The following CAST variants were observed in gnomAD, a reference collection of about 807,000 sequenced individuals.
CAST encodes the protein calpastatin, also known as MIR583 host.
In CAST, 76 loss-of-function variants were observed where a neutral mutation model predicts 119.6. That is an observed-to-expected ratio of 0.64 (90% CI 0.53 to 0.77). CAST has a LOEUF of 0.77. Among genes scored for constraint, CAST ranks in the 30% least tolerant of loss-of-function variants. The pLI, the probability that CAST is intolerant of heterozygous loss-of-function variation, is 0.00. For missense variants in CAST, 953 were observed against 946.5 expected (o/e 1.01, Z -0.09); for synonymous variants, 319 against 331.6 (o/e 0.96, Z 0.41).
the CAST span, among the ~76,000 whole-genome samples, chr5:96,469,448 A>G: frequency 6.6e-6 from 1 of 152,026 alleles, no homozygotes; most frequent in Non-Finnish European, 1.5e-5. Context: ...TTGACTGCCA[A>G]CGTGATTTTT....
chr5:96,648,365 C>T (rs1748049145), intron 1 of CAST, among the ~76,000 whole-genome samples: 1 of 152,160 alleles, frequency 6.6e-6, no homozygotes, highest in Non-Finnish European at 1.5e-5. Context: ...ACACTCCTCT[C>T]CTCATAAACT....
the CAST span, among the ~76,000 whole-genome samples, chr5:96,103,265 T>C: frequency 6.6e-6 from 1 of 151,866 alleles, no homozygotes; most frequent in African/African-American, 2.4e-5. Flanking sequence ...TAGTTACATA[T>C]GTATACATGT....
chr5:96,437,017 C>T, the CAST span, among the ~76,000 whole-genome samples: 1 of 152,140 alleles, frequency 6.6e-6, no homozygotes, highest in East Asian at 1.9e-4. Context: ...GTGGTGGACA[C>T]GACTTGGTTG....
the CAST span, among the ~76,000 whole-genome samples, chr5:96,293,183 G>A: frequency 6.6e-6 from 1 of 152,232 alleles, no homozygotes; most frequent in Non-Finnish European, 1.5e-5. Context: ...GGGGAGGTTA[G>A]GGTGGAATGG....
At position 96,737,888 on chromosome 5, in the gene CAST, T is replaced by C; in HGVS notation, c.739T>C (p.Leu247=). Residue 247 remains leucine (L), a synonymous_variant, in exon 11 of 32, where the codon TTA becomes CTA. Transcript: ENST00000675179. ...DAALDDLIDT[L]GGPEETEEEN... is the part of the protein sequence containing the mutation. ...TGCTTTGGATGACTTAATAGATACTTTAGGAGGACCTGAAGAAACTGAAGA... is the reference window on the plus strand; with the variant it reads ...TGCTTTGGATGACTTAATAGATACTCTAGGAGGACCTGAAGAAACTGAAGA... The C allele has an allele frequency of 6.2e-7, 1 of 1,608,798 alleles. No individual in the cohort carries two copies. Among genetic ancestry groups the C allele is most frequent in the Non-Finnish European group, 8.5e-7 (1 of 1,175,294 alleles).
At chr5:96,385,360 G>A in the CAST span, among the ~76,000 whole-genome samples, 94 of 152,286 alleles carry the variant, frequency 6.2e-4, no homozygotes, top group African/African-American at 2.1e-3. Context: ...TGCTTATTAA[G>A]GCATCAGTTT....
At chr5:96,083,986 G>T in the CAST span, among the ~76,000 whole-genome samples, 2 of 152,112 alleles carry the variant, frequency 1.3e-5, no homozygotes, top group African/African-American at 2.4e-5. Context: ...TATTGCAGGG[G>T]TTTTTTAAAA....
intron 9 of CAST, among the ~76,000 whole-genome samples, chr5:96,733,223 G>A (rs992450086): frequency 6.6e-6 from 1 of 152,134 alleles, no homozygotes; most frequent in African/African-American, 2.4e-5. Flanking sequence ...GAGACTCATA[G>A]CCTCACTCCA....
At chr5:96,187,137 A>G in the CAST span, among the ~76,000 whole-genome samples, 3 of 152,156 alleles carry the variant, frequency 2.0e-5, no homozygotes, top group Non-Finnish European at 4.4e-5. Context: ...TTGTGTGCAT[A>G]GAGGTGCTTA....
At chr5:96,544,424 T>A (rs1474675840) in intron 1 of CAST, among the ~76,000 whole-genome samples, 3 of 152,212 alleles carry the variant, frequency 2.0e-5, no homozygotes, top group African/African-American at 7.2e-5. Context: ...TTATAATCAC[T>A]TTTTAGTTCT....
At chr5:96,328,140 A>C in the CAST span, among the ~76,000 whole-genome samples, 1 of 152,130 alleles carries the variant, frequency 6.6e-6, no homozygotes, top group Non-Finnish European at 1.5e-5. Flanking sequence ...ATTTTCATTG[A>C]CGATTAAAGA....
the CAST span, among the ~76,000 whole-genome samples, chr5:96,282,965 T>C: frequency 1.3e-5 from 2 of 150,516 alleles, no homozygotes; most frequent in African/African-American, 4.9e-5. Context: ...CTGTCTCTAC[T>C]AAAAATACAA....
rs576705217 is a variant in CAST, at chr5:96,742,656, A to G, written c.1100A>G (p.Asp367Gly). The G allele has an allele frequency of 2.5e-6, 4 of 1,607,556 alleles. No homozygotes were observed. Among genetic ancestry groups the G allele is most frequent in the Admixed American group, 3.3e-5 (2 of 59,994 alleles). ...PQEKKRKVEK[D>G]TMSDQALEAL... ...CACAGGATTTTTTACTTTTAACAGG[A>G]TACAATGAGTGATCAAGCACTCGAG... The change falls in exon 16 of 32, where the codon GAT becomes GGT. Residue 367 changes from aspartate (D) to glycine (G), a missense_variant and splice_region_variant. Coordinates refer to ENST00000675179, the MANE Select transcript of CAST (RefSeq NM_001750.7).
At chr5:96,096,530 T>A in the CAST span, among the ~76,000 whole-genome samples, 1 of 152,182 alleles carries the variant, frequency 6.6e-6, no homozygotes, top group Non-Finnish European at 1.5e-5. Context: ...GCTGAACAAC[T>A]GTCATTACTT....
the CAST span, among the ~76,000 whole-genome samples, chr5:96,295,536 C>T: frequency 2.6e-5 from 4 of 152,284 alleles, no homozygotes; most frequent in South Asian, 4.1e-4. Flanking sequence ...TATTGCCTAA[C>T]AGAATTGGGG....
the CAST span, among the ~76,000 whole-genome samples, chr5:95,979,532 C>T: frequency 5.3e-5 from 8 of 149,982 alleles, no homozygotes; most frequent in Non-Finnish European, 3.0e-5. Context: ...TTTTAGTCAT[C>T]AATAAATTAT....
At chr5:96,287,325 T>C in the CAST span, among the ~76,000 whole-genome samples, 1 of 152,094 alleles carries the variant, frequency 6.6e-6, no homozygotes. Context: ...AAAGAAAACA[T>C]TGTTCCAGCT....
the CAST span, chr5:96,423,424 C>T: frequency 6.2e-7 from 1 of 1,614,052 alleles, no homozygotes; most frequent in Non-Finnish European, 8.5e-7. Context: ...CATGAAGGTC[C>T]AGCTTGGGCA....
At chr5:96,310,104 C>T in the CAST span, among the ~76,000 whole-genome samples, 1 of 152,132 alleles carries the variant, frequency 6.6e-6, no homozygotes, top group African/African-American at 2.4e-5. Flanking sequence ...ACTGTTATTC[C>T]ATAGCTAATT....
Sources: allele counts gnomAD v4.1 joint callset (sites outside exome capture counted in the v4.1 genomes callset), GRCh38; gene constraint gnomAD v4.1.1; transcripts MANE v1.5; gene names NCBI Gene and HGNC (gene_info 2026-07-23, HGNC 2026-07-21).